The following MAPKAPK5 variants were observed in gnomAD, a reference collection of about 807,000 sequenced individuals.
MAPKAPK5 encodes the protein MAPK activated protein kinase 5.
In MAPKAPK5, 30 loss-of-function variants were observed where a neutral mutation model predicts 65.1. The ratio of observed to expected loss-of-function variants is 0.46; its 90% CI spans 0.34 to 0.63. The LOEUF is 0.63. MAPKAPK5 is among the 20% of genes least tolerant of loss of function. MAPKAPK5 has a pLI of 0.01. For missense variants in MAPKAPK5, 433 were observed against 581.4 expected, an observed-to-expected ratio of 0.74 and a Z score of 2.63; for synonymous variants, 179 against 204.6, an observed-to-expected ratio of 0.87 and a Z score of 1.07.
At chr12:111,875,084 G>A (rs2069919775) in intron 7 of MAPKAPK5, among the ~76,000 whole-genome samples, 1 of 152,088 alleles carries the variant, frequency 6.6e-6, no homozygotes, top group Non-Finnish European at 1.5e-5. Flanking sequence ...GCCCATACTA[G>A]TGATTTTTGT....
intron 7 of MAPKAPK5, among the ~76,000 whole-genome samples, chr12:111,877,862 G>T (rs193129383): frequency 0.011 from 1,585 of 145,538 alleles, 26 homozygotes; most frequent in African/African-American, 0.037. Flanking sequence ...GAAATTTTTG[G>T]TTTTTTTTTT....
At chr12:111,852,782 C>T (rs1433436807) in intron 1 of MAPKAPK5, among the ~76,000 whole-genome samples, 1 of 150,996 alleles carries the variant, frequency 6.6e-6, no homozygotes, top group African/African-American at 2.4e-5. Context: ...TAAATTTATT[C>T]TTTTTTTTTG....
intron 7 of MAPKAPK5, among the ~76,000 whole-genome samples, chr12:111,876,484 A>G (rs1201028109): frequency 1.3e-5 from 2 of 152,116 alleles, no homozygotes; most frequent in Non-Finnish European, 2.9e-5. Flanking sequence ...AAAAAGTCCC[A>G]ACAATTTGAT....
chr12:111,850,420 G>A lies in MAPKAPK5; in HGVS notation c.36+7651G>A, dbSNP rs553681212. ...ATAACTATAGACTCTAATATTTTTC[G>A]AGAAAAAGTCATTGTGTCTTAAAAG... On this transcript the variant is annotated intron_variant, in intron 1 of 13. Transcript: ENST00000550735. Among the ~76,000 whole-genome samples the A allele has an allele frequency of 4.6e-5, 7 of 152,182 alleles. No individual in the cohort carries two copies. In the South Asian group the frequency reaches 6.2e-4, roughly 14 times the overall value.
chr12:111,864,535 T>C (rs1404530412), intron 1 of MAPKAPK5, among the ~76,000 whole-genome samples: 1 of 152,204 alleles, frequency 6.6e-6, no homozygotes, highest in East Asian at 1.9e-4. Flanking sequence ...AATGAATTAA[T>C]TAATTAAATT....
chr12:111,852,400 A>G (rs987623408), intron 1 of MAPKAPK5, among the ~76,000 whole-genome samples: 3 of 152,166 alleles, frequency 2.0e-5, no homozygotes, highest in Non-Finnish European at 4.4e-5. Context: ...GAAGACCTTT[A>G]TGATGATGCA....
At chr12:111,843,035 T>C (rs1245953146) in intron 1 of MAPKAPK5, 1 of 398,966 alleles carries the variant, frequency 2.5e-6, no homozygotes, top group African/African-American at 2.1e-5. Context: ...GGAGACACTA[T>C]TAAGTGTCAA....
Position 111,842,634 on chromosome 12 carries a change from C to T in MAPKAPK5, c.-100C>T, listed in dbSNP as rs1362785625. 2.4e-6 allele frequency: 2 copies of T among 845,060 alleles called. No homozygotes were observed. The highest frequency in any genetic ancestry group is 3.5e-5 in the African/African-American group (2 of 56,504). The allele number at this position is 845,060 out of a possible 1,614,324, so 52.3% of individuals were successfully genotyped here. ...GCGGCTGCTGCCCGTCGCCACGAGGCCCAGGGGCCCGAGTGCCGAGCCCTT... is the reference window on the plus strand; with the variant it reads ...GCGGCTGCTGCCCGTCGCCACGAGGTCCAGGGGCCCGAGTGCCGAGCCCTT... On this transcript the variant is annotated 5_prime_UTR_variant, in exon 1 of 14. Transcript: ENST00000550735.
At chr12:111,876,744 T>C (rs2069987169) in intron 7 of MAPKAPK5, among the ~76,000 whole-genome samples, 1 of 152,146 alleles carries the variant, frequency 6.6e-6, no homozygotes, top group South Asian at 2.1e-4. Context: ...TTTTTTCCTT[T>C]TCTTTCATCC....
At position 111,901,472 on chromosome 12, in the gene MAPKAPK5, A is replaced by G. The variant is rs1344039665; in HGVS notation, c.*8411A>G. The G allele has an allele frequency of 2.9e-5, 13 of 451,552 alleles. No individual in the cohort carries two copies. In the Admixed American group the frequency reaches 2.9e-4, roughly 10 times the overall value. The allele number at this position is 451,552 out of a possible 1,614,324, so 28.0% of individuals were successfully genotyped here. A position where few individuals can be genotyped will look rare whatever the true frequency, so the allele number is the denominator to read the frequency against. ...AAGAACATGCTGTAGACATGATGAT[A>G]TTATCATTCATTATACTTTTTATAA... On this transcript the variant is annotated 3_prime_UTR_variant, in exon 14 of 14. Coordinates refer to ENST00000550735, the MANE Select transcript of MAPKAPK5 (RefSeq NM_003668.4).
At chr12:111,851,053 C>G (rs2069065519) in intron 1 of MAPKAPK5, among the ~76,000 whole-genome samples, 1 of 151,908 alleles carries the variant, frequency 6.6e-6, no homozygotes, top group Non-Finnish European at 1.5e-5. Context: ...TGCCTGCCAC[C>G]ACGCCCAGCT....
intron 1 of MAPKAPK5, chr12:111,843,435 C>CTTT: frequency 6.0e-6 from 2 of 334,990 alleles, no homozygotes; most frequent in Admixed American, 4.9e-5. Context: ...CTGTTTTTAA[C>CTTT]TTTTTTTTTT....
At chr12:111,855,566 C>A (rs771505697) in intron 1 of MAPKAPK5, among the ~76,000 whole-genome samples, 1 of 152,128 alleles carries the variant, frequency 6.6e-6, no homozygotes, top group African/African-American at 2.4e-5. Context: ...CAGTGGCTCA[C>A]GCCTGTAATC....
chr12:111,889,281 TTG>T (rs1284962410), intron 12 of MAPKAPK5: 2 of 334,620 alleles, frequency 6.0e-6, no homozygotes, highest in African/African-American at 4.2e-5. Flanking sequence ...GCATGCAATT[TTG>T]TGTTTTCTTA....
chr12:111,886,161 T>A, intron 10 of MAPKAPK5, 125 bp downstream of exon 10: 1 of 1,381,680 alleles, frequency 7.2e-7, no homozygotes. Context: ...GAGAAACATC[T>A]CTGGTTTCCT....
intron 1 of MAPKAPK5, among the ~76,000 whole-genome samples, chr12:111,856,322 A>G (rs2069238696): frequency 6.6e-6 from 1 of 152,070 alleles, no homozygotes; most frequent in African/African-American, 2.4e-5. Context: ...GATTAAGACT[A>G]ACTTTAAATT....
intron 13 of MAPKAPK5, among the ~76,000 whole-genome samples, chr12:111,890,789 C>G (rs1454217505): frequency 3.9e-5 from 6 of 152,182 alleles, no homozygotes; most frequent in Non-Finnish European, 8.8e-5. Flanking sequence ...TCCCAAATAG[C>G]TGGGACTACA....
intron 7 of MAPKAPK5, among the ~76,000 whole-genome samples, chr12:111,871,591 C>T (rs1041512823): frequency 5.3e-5 from 8 of 151,920 alleles, no homozygotes; most frequent in East Asian, 1.9e-4. Context: ...TGCAAGGAGC[C>T]GAGATGGCAC....
chr12:111,861,390 G>A (rs550824841), intron 1 of MAPKAPK5, among the ~76,000 whole-genome samples: 1 of 151,720 alleles, frequency 6.6e-6, no homozygotes, highest in African/African-American at 2.4e-5. Context: ...GTGCAGTGGC[G>A]TGATCTCGGC....
Sources: gnomAD v4.1 joint callset for allele counts (sites outside exome capture counted in the v4.1 genomes callset) on GRCh38, gnomAD v4.1.1 for gene constraint, MANE v1.5 for transcripts, NCBI Gene and HGNC (gene_info 2026-07-23, HGNC 2026-07-21) for gene names.